Variants in CAMTA1 observed in about 807,000 individuals in gnomAD.
CAMTA1 encodes the protein calmodulin binding transcription activator 1.
A neutral mutation model predicts 170.9 loss-of-function variants in CAMTA1; 27 were observed. The observed-to-expected ratio is 0.16, with a 90% CI of 0.12 to 0.22. CAMTA1 has a LOEUF of 0.22. Ranked by LOEUF, CAMTA1 falls within the 10% of genes least tolerant of loss-of-function variation. The probability of loss-of-function intolerance (pLI) is 1.00; values close to 1 mark genes in which losing one functional copy is unlikely to be tolerated. For missense variants in CAMTA1, 1,619 were observed against 2,217.2 expected, an observed-to-expected ratio of 0.73 and a Z score of 5.42; for synonymous variants, 833 against 891.5, an observed-to-expected ratio of 0.93 and a Z score of 1.17.
At chr1:7,311,892 G>A (rs918007003) in intron 5 of CAMTA1, among the ~76,000 whole-genome samples, 3 of 152,162 alleles carry the variant, frequency 2.0e-5, no homozygotes, top group Admixed American at 6.5e-5. Flanking sequence ...GGGTGTGGGT[G>A]TAGGTTATCC....
intron 4 of CAMTA1, among the ~76,000 whole-genome samples, chr1:7,177,407 A>T (rs1651082255): frequency 6.9e-6 from 1 of 144,802 alleles, no homozygotes; most frequent in African/African-American, 2.6e-5. Flanking sequence ...ACTCTCCCAC[A>T]CACTGAGGCC....
rs143107912 is a variant in CAMTA1, at chr1:7,640,432, C to T, written c.543C>T (p.Asn181=). 9.9e-6 allele frequency: 16 copies of T among 1,614,038 alleles called. No homozygotes were observed. Among genetic ancestry groups the T allele is most frequent in the African/African-American group, 4.0e-5 (3 of 74,944 alleles). Reference sequence around the variant, plus strand: ...ACATCGTCCTGGTGCACTACCTGAACGTGCCGGCCATCGAGGACTGCGGCA... The same window carrying T: ...ACATCGTCCTGGTGCACTACCTGAATGTGCCGGCCATCGAGGACTGCGGCA... ...NPDIVLVHYL[N]VPAIEDCGKP... is the part of the protein sequence containing the mutation. Residue 181 remains asparagine (N), a synonymous_variant, in exon 7 of 23, where the codon AAC becomes AAT. Coordinates refer to ENST00000303635, the MANE Select transcript of CAMTA1 (RefSeq NM_015215.4).
At chr1:7,364,594 A>G (rs949531580) in intron 5 of CAMTA1, among the ~76,000 whole-genome samples, 1 of 152,120 alleles carries the variant, frequency 6.6e-6, no homozygotes, top group South Asian at 2.1e-4. Flanking sequence ...GCTTCAACCT[A>G]TGCTAGAAGG....
At chr1:6,834,017 T>C (rs1184404895) in intron 3 of CAMTA1, among the ~76,000 whole-genome samples, 1 of 152,146 alleles carries the variant, frequency 6.6e-6, no homozygotes, top group East Asian at 1.9e-4. Context: ...ACTTGGCCTC[T>C]CTTGGGTCTT....
chr1:7,460,448 G>A (rs1034713047), intron 5 of CAMTA1, among the ~76,000 whole-genome samples: 2 of 152,176 alleles, frequency 1.3e-5, no homozygotes, highest in Admixed American at 1.3e-4. Flanking sequence ...CGAGACTGGG[G>A]GAGGCTGGAG....
chr1:7,122,651 A>G (rs1450779901), intron 4 of CAMTA1, among the ~76,000 whole-genome samples: 5 of 152,116 alleles, frequency 3.3e-5, no homozygotes, highest in Non-Finnish European at 5.9e-5. Context: ...GTCTGCAGGT[A>G]AGGCTGATGG....
At chr1:6,902,590 G>A (rs959544888) in intron 3 of CAMTA1, among the ~76,000 whole-genome samples, 1 of 152,190 alleles carries the variant, frequency 6.6e-6, no homozygotes, top group Admixed American at 6.5e-5. Context: ...TTGAGGTGAT[G>A]GAAATTTTCT....
intron 4 of CAMTA1, among the ~76,000 whole-genome samples, chr1:7,161,525 A>T (rs1250917872): frequency 6.6e-6 from 1 of 151,918 alleles, no homozygotes; most frequent in Non-Finnish European, 1.5e-5. Context: ...TGTTCTCATG[A>T]TAGTGAATGA....
intron 5 of CAMTA1, among the ~76,000 whole-genome samples, chr1:7,313,484 C>T (rs564394963): frequency 1.3e-5 from 2 of 152,354 alleles, no homozygotes; most frequent in South Asian, 4.1e-4. Context: ...CGTTAGGGAT[C>T]TTCCTGTAAC....
intron 3 of CAMTA1, among the ~76,000 whole-genome samples, chr1:6,942,787 G>A (rs187991224): frequency 4.6e-5 from 7 of 152,382 alleles, no homozygotes; most frequent in African/African-American, 1.7e-4. Flanking sequence ...GATAGTCTGA[G>A]TGGCCCTGTA....
chr1:6,987,775 C>T (rs775813004), intron 3 of CAMTA1, among the ~76,000 whole-genome samples: 1 of 152,102 alleles, frequency 6.6e-6, no homozygotes, highest in African/African-American at 2.4e-5. Context: ...AGGAAAGGGC[C>T]GCTTTGCTTT....
At chr1:6,879,138 A>T (rs1670752263) in intron 3 of CAMTA1, among the ~76,000 whole-genome samples, 1 of 152,180 alleles carries the variant, frequency 6.6e-6, no homozygotes, top group Admixed American at 6.5e-5. Context: ...AAATATAAGG[A>T]TCTTCACATT....
intron 11 of CAMTA1, among the ~76,000 whole-genome samples, chr1:7,702,849 G>A (rs1384292223): frequency 1.3e-5 from 2 of 151,898 alleles, no homozygotes; most frequent in East Asian, 1.9e-4. Context: ...ACTCCTCCTC[G>A]CCCCCAAGTA....
At chr1:7,434,618 G>C (rs527914749) in intron 5 of CAMTA1, among the ~76,000 whole-genome samples, 47 of 152,312 alleles carry the variant, frequency 3.1e-4, no homozygotes, top group Admixed American at 1.2e-3. Flanking sequence ...CAGAGTGTCT[G>C]AGATTGGGTA....
At chr1:6,820,130 A>G (rs554491312) in intron 1 of CAMTA1, 51 bp from the exon 2 acceptor site, 2 of 1,114,146 alleles carry the variant, frequency 1.8e-6, no homozygotes. Context: ...GAAGAGCCAG[A>G]TTATATCTTT....
intron 10 of CAMTA1, among the ~76,000 whole-genome samples, chr1:7,675,863 G>A (rs572375421): frequency 6.6e-6 from 1 of 152,284 alleles, no homozygotes. Context: ...CTGGGACCCC[G>A]GAGACCACAG....
At chr1:7,186,696 A>T (rs1257844518) in intron 4 of CAMTA1, among the ~76,000 whole-genome samples, 1 of 152,176 alleles carries the variant, frequency 6.6e-6, no homozygotes, top group Non-Finnish European at 1.5e-5. Context: ...AATGAGTTTT[A>T]TTCATTCATT....
At chr1:7,717,576 C>T (rs2096620220) in intron 11 of CAMTA1, among the ~76,000 whole-genome samples, 1 of 151,808 alleles carries the variant, frequency 6.6e-6, no homozygotes, top group Non-Finnish European at 1.5e-5. Context: ...TGAAACCCTA[C>T]CTCTACCAAA....
intron 11 of CAMTA1, among the ~76,000 whole-genome samples, chr1:7,705,686 A>T (rs2096514383): frequency 6.6e-6 from 1 of 151,988 alleles, no homozygotes; most frequent in Admixed American, 6.5e-5. Flanking sequence ...GACAGGTGCG[A>T]GGCGAGGTGC....
Sources: gnomAD v4.1 joint callset for allele counts (sites outside exome capture counted in the v4.1 genomes callset) on GRCh38, gnomAD v4.1.1 for gene constraint, MANE v1.5 for transcripts, NCBI Gene and HGNC (gene_info 2026-07-23, HGNC 2026-07-21) for gene names.